The following SLC22A15 variants were observed in gnomAD, a reference collection of about 807,000 sequenced individuals.
SLC22A15 encodes flipt 1.
Under a neutral mutation model 62.7 loss-of-function variants are expected in SLC22A15, and 45 were observed. The observed-to-expected ratio is 0.72, with a 90% confidence interval of 0.56 to 0.92. The LOEUF (loss-of-function observed/expected upper bound fraction) is 0.92, where lower values mean the gene tolerates loss of function less well. Among genes scored for constraint, SLC22A15 ranks in the 40% least tolerant of loss-of-function variants. The pLI is 0.00. For synonymous variants in SLC22A15, 264 were observed against 267.0 expected (o/e 0.99, Z 0.11); for missense variants, 622 against 665.6 (o/e 0.93, Z 0.72).
chr1:116,009,979 C>A (rs1266142069), intron 2 of SLC22A15, among the ~76,000 whole-genome samples: 2 of 152,166 alleles, frequency 1.3e-5, no homozygotes, highest in Non-Finnish European at 2.9e-5. Context: ...ACACTTGGGT[C>A]AGGCCTTGCA....
In SLC22A15 at chr1:116,069,483, A is replaced by G. The variant is rs1478879787; in HGVS notation, c.*2375A>G. ...TTTTTTAATTCTATTCAAAATTAAA[A>G]ATTTTTTTTCCTAAAATAAAGCAAG... is the stretch of plus-strand genomic sequence containing the variant. On this transcript the variant is annotated 3_prime_UTR_variant, in exon 12 of 12. Coordinates refer to ENST00000369503, the MANE Select transcript of SLC22A15 (RefSeq NM_018420.3). 6.6e-6 allele frequency: 1 copy of G among 152,094 alleles called. No homozygotes were observed. The highest frequency in any genetic ancestry group is 1.9e-4 in the East Asian group (1 of 5,194). The allele number at this position is 152,094 out of a possible 1,614,324, so 9.4% of individuals were successfully genotyped here.
At chr1:116,027,314 C>T (rs755629125) in intron 5 of SLC22A15, 7 of 548,896 alleles carry the variant, frequency 1.3e-5, no homozygotes, top group African/African-American at 1.1e-4. Context: ...ATACCTCAAC[C>T]TTAAAGGTCT....
chr1:116,008,855 C>T (rs1451548289), intron 2 of SLC22A15, among the ~76,000 whole-genome samples: 1 of 152,132 alleles, frequency 6.6e-6, no homozygotes, highest in African/African-American at 2.4e-5. Flanking sequence ...GGCAGGCAGC[C>T]CATCTGTGAG....
chr1:116,023,852 T>A (rs573431033), intron 4 of SLC22A15, among the ~76,000 whole-genome samples: 22 of 152,222 alleles, frequency 1.4e-4, no homozygotes, highest in African/African-American at 5.3e-4. Flanking sequence ...GGGAGAAGTA[T>A]ATTCTAGCTA....
chr1:115,985,911 A>G (rs1654838578), intron 1 of SLC22A15, among the ~76,000 whole-genome samples: 1 of 142,174 alleles, frequency 7.0e-6, no homozygotes, highest in Non-Finnish European at 1.5e-5. Context: ...GCGCCACTGT[A>G]CTCCAGCCTG....
At chr1:115,991,787 A>G (rs540032308) in intron 1 of SLC22A15, among the ~76,000 whole-genome samples, 10 of 152,358 alleles carry the variant, frequency 6.6e-5, no homozygotes, top group South Asian at 6.2e-4. Flanking sequence ...ATCTCAAAGA[A>G]AGAAAAACCT....
intron 2 of SLC22A15, among the ~76,000 whole-genome samples, chr1:116,011,433 C>T (rs1656250846): frequency 6.6e-6 from 1 of 152,100 alleles, no homozygotes; most frequent in South Asian, 2.1e-4. Context: ...TAGGTAGTTC[C>T]CTGTATGCCC....
chr1:116,018,788 A>G (rs1656674233), intron 2 of SLC22A15, among the ~76,000 whole-genome samples: 1 of 152,174 alleles, frequency 6.6e-6, no homozygotes, highest in African/African-American at 2.4e-5. Flanking sequence ...CCTTCTAGCT[A>G]TTTGAAGCTG....
At chr1:116,063,822 T>C (rs1487379747) in intron 9 of SLC22A15, among the ~76,000 whole-genome samples, 1 of 152,150 alleles carries the variant, frequency 6.6e-6, no homozygotes, top group African/African-American at 2.4e-5. Flanking sequence ...CCATTAATTA[T>C]CATTCTCTCT....
At chr1:116,065,011 A>T (rs1008595252) in intron 10 of SLC22A15, among the ~76,000 whole-genome samples, 7 of 150,364 alleles carry the variant, frequency 4.7e-5, no homozygotes, top group Non-Finnish European at 8.9e-5. Flanking sequence ...GTCTGTTAAT[A>T]TTTTTTTTTT....
At chr1:116,002,079 C>T (rs182896568) in intron 2 of SLC22A15, among the ~76,000 whole-genome samples, 3 of 152,342 alleles carry the variant, frequency 2.0e-5, no homozygotes, top group Non-Finnish European at 2.9e-5. Flanking sequence ...CCTAGTAGCA[C>T]TGTGACTCTT....
At chr1:116,012,317 T>C (rs1656312474) in intron 2 of SLC22A15, among the ~76,000 whole-genome samples, 2 of 152,058 alleles carry the variant, frequency 1.3e-5, no homozygotes, top group African/African-American at 2.4e-5. Context: ...ATGACAGAGG[T>C]CCTTCTTGCT....
intron 8 of SLC22A15, among the ~76,000 whole-genome samples, chr1:116,059,662 C>G (rs763368854): frequency 6.6e-6 from 1 of 151,964 alleles, no homozygotes; most frequent in African/African-American, 2.4e-5. Flanking sequence ...TGATTCTTAC[C>G]CCATTTATGT....
chr1:116,000,940 T>C (rs573310323), intron 2 of SLC22A15, among the ~76,000 whole-genome samples: 2 of 152,284 alleles, frequency 1.3e-5, no homozygotes, highest in South Asian at 2.1e-4. Flanking sequence ...CCGACCTTCC[T>C]GTAATTTCTT....
chr1:116,043,420 T>C (rs1428727387), intron 8 of SLC22A15, among the ~76,000 whole-genome samples: 1 of 152,062 alleles, frequency 6.6e-6, no homozygotes, highest in African/African-American at 2.4e-5. Flanking sequence ...AGTGAGACTG[T>C]GTCTCAAAAA....
intron 1 of SLC22A15, among the ~76,000 whole-genome samples, chr1:115,977,361 G>A (rs1654364766): frequency 6.6e-6 from 1 of 152,174 alleles, no homozygotes; most frequent in African/African-American, 2.4e-5. Flanking sequence ...GTTATCAAAT[G>A]GAATCACTTC....
chr1:116,029,474 C>T (rs1490636402), intron 5 of SLC22A15, among the ~76,000 whole-genome samples: 1 of 152,152 alleles, frequency 6.6e-6, no homozygotes, highest in African/African-American at 2.4e-5. Flanking sequence ...CTTTTAAAAA[C>T]GTGTCTTACT....
intron 8 of SLC22A15, among the ~76,000 whole-genome samples, chr1:116,055,466 T>A (rs1658174667): frequency 6.7e-6 from 1 of 149,792 alleles, no homozygotes; most frequent in East Asian, 2.0e-4. Context: ...AGCCAAATTC[T>A]ACCAGAGGTA....
chr1:116,019,988 T>G (rs1656737286), intron 3 of SLC22A15, among the ~76,000 whole-genome samples: 2 of 152,216 alleles, frequency 1.3e-5, no homozygotes, highest in African/African-American at 4.8e-5. Flanking sequence ...AATTTTAGTT[T>G]ATGCCATGTT....
Sources: gnomAD v4.1 joint callset for allele counts (sites outside exome capture counted in the v4.1 genomes callset) on GRCh38, gnomAD v4.1.1 for gene constraint, MANE v1.5 for transcripts, NCBI Gene and HGNC (gene_info 2026-07-23, HGNC 2026-07-21) for gene names.